The following CEACAM7 variants were observed in gnomAD, a reference collection of about 807,000 sequenced individuals.
CEACAM7 encodes the protein cell adhesion molecule CEACAM7.
In CEACAM7, 24 loss-of-function variants were observed where a neutral mutation model predicts 25.7. That is an observed-to-expected ratio of 0.93 (90% CI 0.68 to 1.31). The LOEUF (loss-of-function observed/expected upper bound fraction) is 1.31, where lower values mean the gene tolerates loss of function less well. CEACAM7 is among the 40% of genes most tolerant of loss of function. The pLI is 0.00. For synonymous variants in CEACAM7, 144 were observed against 129.4 expected (o/e 1.11, Z -0.77); for missense variants, 324 against 330.1 (o/e 0.98, Z 0.14).
In CEACAM7 at chr19:41,673,345, G is replaced by A. The variant is rs2037099133; in HGVS notation, c.*1431C>T. Reference sequence around the variant, plus strand: ...TTTTATTTGTGATTCATGAGTCAGGGCAGTTTCCATTCTGCAAAATATAGT... The same window carrying A: ...TTTTATTTGTGATTCATGAGTCAGGACAGTTTCCATTCTGCAAAATATAGT... On this transcript the variant is annotated 3_prime_UTR_variant, in exon 5 of 5. Transcript: ENST00000401731. 6.6e-6 allele frequency: 1 copy of A among 152,208 alleles called. No individual in the cohort carries two copies. The highest frequency in any genetic ancestry group is 2.4e-5 in the African/African-American group (1 of 41,442). 9.4% of individuals were successfully genotyped at this position (152,208 alleles called of 1,614,324 possible). A position where few individuals can be genotyped will look rare whatever the true frequency, so the allele number is the denominator to read the frequency against.
Position 41,673,704 on chromosome 19 carries a change from G to A in CEACAM7, c.*1072C>T, listed in dbSNP as rs2072086868. 6.6e-6 allele frequency: 1 copy of A among 152,164 alleles called. No individual in the cohort carries two copies. Among genetic ancestry groups the A allele is most frequent in the Non-Finnish European group, 1.5e-5 (1 of 68,040 alleles). 9.4% of individuals were successfully genotyped at this position (152,164 alleles called of 1,614,324 possible). On this transcript the variant is annotated 3_prime_UTR_variant, in exon 5 of 5. Coordinates refer to ENST00000401731, the MANE Select transcript of CEACAM7 (RefSeq NM_001291485.2). ...AAATGAGAGTTTGACTAAACATAAG[G>A]CATTAACACTACTGTCAGTTACCAT...
chr19:41,684,168 G>A, intron 2 of CEACAM7, 105 bp from the exon 3 acceptor site: 1 of 1,230,854 alleles, frequency 8.1e-7, no homozygotes, highest in Non-Finnish European at 1.2e-6. Context: ...GCCCACTCAA[G>A]TCCTTAAAAG....
chr19:41,683,685 G>A, intron 3 of CEACAM7, 100 bp downstream of exon 3: 1 of 1,515,696 alleles, frequency 6.6e-7, no homozygotes, highest in Non-Finnish European at 9.0e-7. Flanking sequence ...TAGAGGTGAG[G>A]GTCTGTGTAC....
chr19:41,686,944 G>T lies in CEACAM7; in HGVS notation c.342C>A (p.Thr114=). 1 of 1,604,540 alleles carries T rather than the reference G, an allele frequency of 6.2e-7. No homozygotes were observed. The highest frequency in any genetic ancestry group is 1.3e-5 in the African/African-American group (1 of 74,350). The change falls in exon 2 of 5, where the codon ACC becomes ACA. Residue 114 remains threonine, a synonymous_variant. Transcript: ENST00000401731. ...GGGTATAGATTCCTGCGTCATTGTG[G>T]GTGACGTTCTGGATCAGCAGGGTTC... ...PNGTLLIQNV[T]HNDAGIYTLH... is the part of the protein sequence containing the mutation.
chr19:41,678,060 C>T (rs2072133927), intron 3 of CEACAM7, among the ~76,000 whole-genome samples: 1 of 152,088 alleles, frequency 6.6e-6, no homozygotes, highest in Non-Finnish European at 1.5e-5. Context: ...TCTTTCTCCT[C>T]CACAGGCATC....
At chr19:41,680,427 A>G (rs184175877) in intron 3 of CEACAM7, among the ~76,000 whole-genome samples, 2 of 152,278 alleles carry the variant, frequency 1.3e-5, no homozygotes, top group African/African-American at 4.8e-5. Context: ...CCTAAAATTC[A>G]TATAGAGTCT....
intron 1 of CEACAM7, 105 bp from the exon 2 acceptor site, chr19:41,687,326 A>G: frequency 8.8e-7 from 1 of 1,137,274 alleles, no homozygotes; most frequent in Non-Finnish European, 1.2e-6. Context: ...CCCATCTTGA[A>G]GTAAGTGTGT....
intron 1 of CEACAM7, 55 bp downstream of exon 1, chr19:41,688,047 C>A: frequency 6.5e-7 from 1 of 1,536,728 alleles, no homozygotes. Context: ...CAAGGAGACC[C>A]CAGCCAGTCT....
chr19:41,687,216 G>T lies in CEACAM7; in HGVS notation c.70C>A (p.Leu24Ile). 6.3e-7 allele frequency: 1 copy of T among 1,597,730 alleles called. No homozygotes were observed. Among genetic ancestry groups the T allele is most frequent in the South Asian group, 1.1e-5 (1 of 89,354 alleles). The change falls in exon 2 of 5, where the codon CTT (leucine) becomes ATT (isoleucine). Residue 24 changes from leucine (L) to isoleucine (I), a missense_variant. By Grantham distance (5) the Leu-to-Ile change is conservative. Coordinates refer to ENST00000401731, the MANE Select transcript of CEACAM7 (RefSeq NM_001291485.2). Reference sequence around the variant, plus strand: ...TTTGGCAGGTTCCAGAAGGTTAAAAGCGAGGCTAGGAGGGGGAGAGAACAT... The same window carrying T: ...TTTGGCAGGTTCCAGAAGGTTAAAATCGAGGCTAGGAGGGGGAGAGAACAT... ...PWQGLLLTAS[L>I]LTFWNLPNSA... is the part of the protein sequence containing the mutation.
chr19:41,682,304 A>G (rs1196525294), intron 3 of CEACAM7, among the ~76,000 whole-genome samples: 1 of 151,340 alleles, frequency 6.6e-6, no homozygotes, highest in Admixed American at 6.6e-5. Context: ...ACCTTTATGA[A>G]TATATAGTGG....
In CEACAM7 at chr19:41,687,151, G is replaced by A. The variant is rs542645867; in HGVS notation, c.135C>T (p.Val45=). 28 of 1,613,964 alleles carry A rather than the reference G, an allele frequency of 1.7e-5. No individual in the cohort carries two copies. The highest frequency in any genetic ancestry group is 8.0e-5 in the African/African-American group (6 of 75,008). ...QTNIDVVPFN[V]AEGKEVLLVV... Reference sequence around the variant, plus strand: ...CTAGAAGGACCTCCTTCCCTTCTGCGACATTGAACGGCACGACATCAATAT... The same window carrying A: ...CTAGAAGGACCTCCTTCCCTTCTGCAACATTGAACGGCACGACATCAATAT... The change falls in exon 2 of 5, where the codon GTC becomes GTT. Residue 45 remains valine, a synonymous_variant. Transcript: ENST00000401731.
At chr19:41,686,168 TTTC>T (rs1326464009) in intron 2 of CEACAM7, among the ~76,000 whole-genome samples, 4 of 152,220 alleles carry the variant, frequency 2.6e-5, no homozygotes, top group East Asian at 1.9e-4. Context: ...CAGCAGAAAC[TTTC>T]TTCTTCTTTT....
intron 2 of CEACAM7, 125 bp from the exon 3 acceptor site, chr19:41,684,188 G>T: frequency 2.0e-6 from 2 of 994,760 alleles, no homozygotes; most frequent in South Asian, 1.5e-5. Flanking sequence ...GCCCACAGAA[G>T]GTGTGTGTAT....
chr19:41,683,262 G>A (rs574812274), intron 3 of CEACAM7, among the ~76,000 whole-genome samples: 1 of 152,338 alleles, frequency 6.6e-6, no homozygotes, highest in Admixed American at 6.5e-5. Flanking sequence ...TCTTGCATGT[G>A]TTGCAGAAGG....
rs2072202377 is a variant in CEACAM7, at chr19:41,684,012, T to C, written c.479A>G (p.Asn160Ser). The change falls in exon 3 of 5, where the codon AAC becomes AGC. Residue 160 changes from asparagine to serine, a missense_variant. Physicochemically the swap from Asn to Ser is conservative, Grantham distance 46 (BLOSUM62 1). Transcript: ENST00000401731. ...ITSNNFNPVENKDIVVLTCQP... is the reference protein window; with the variant it reads ...ITSNNFNPVESKDIVVLTCQP... ...ACAGGTTAAAACCACAATATCTTTG[T>C]TCTCCACCGGATTGAAGTTGTTGCT... 2 of 1,614,068 alleles carry C rather than the reference T, an allele frequency of 1.2e-6. No homozygotes were observed. Among genetic ancestry groups the C allele is most frequent in the Non-Finnish European group, 1.7e-6 (2 of 1,180,036 alleles).
rs1398193784 is a variant in CEACAM7, at chr19:41,674,609, G to A, written c.*167C>T. ...GAGTGGCCCACATCTCAGGCATGAG[G>A]GTTTTTCCTTGAAATTTACATTGAG... On this transcript the variant is annotated 3_prime_UTR_variant, in exon 5 of 5. Coordinates refer to ENST00000401731, the MANE Select transcript of CEACAM7 (RefSeq NM_001291485.2). 6 of 352,370 alleles carry A rather than the reference G, an allele frequency of 1.7e-5. No individual in the cohort carries two copies. The highest frequency in any genetic ancestry group is 2.8e-5 in the Non-Finnish European group (5 of 175,836). The allele number at this position is 352,370 out of a possible 1,614,324, so 21.8% of individuals were successfully genotyped here. A position where few individuals can be genotyped will look rare whatever the true frequency, so the allele number is the denominator to read the frequency against.
chr19:41,674,798 TGTATTATA>T (rs1424127916), intron 4 of CEACAM7, 59 bp from the exon 5 acceptor site: 4 of 164,068 alleles, frequency 2.4e-5, no homozygotes, highest in African/African-American at 9.6e-5. Context: ...TGATAACAGT[TGTATTATA>T]GTCTTTCCTC....
At chr19:41,679,889 C>T (rs1459022023) in intron 3 of CEACAM7, among the ~76,000 whole-genome samples, 2 of 147,070 alleles carry the variant, frequency 1.4e-5, no homozygotes, top group African/African-American at 5.1e-5. Context: ...GCAACCTCTG[C>T]CTCCCCAGTT....
intron 4 of CEACAM7, among the ~76,000 whole-genome samples, chr19:41,675,105 A>G (rs1369347550): frequency 6.6e-6 from 1 of 152,218 alleles, no homozygotes; most frequent in African/African-American, 2.4e-5. Context: ...GGTTCATTCT[A>G]TGTATATTTC....
Sources: gnomAD v4.1 joint callset for allele counts (sites outside exome capture counted in the v4.1 genomes callset) on GRCh38, gnomAD v4.1.1 for gene constraint, MANE v1.5 for transcripts, NCBI Gene and HGNC (gene_info 2026-07-23, HGNC 2026-07-21) for gene names.